The following EDIL3 variants were observed in gnomAD, a reference collection of about 807,000 sequenced individuals.
The protein encoded by EDIL3 is EGF like and discoidin domains 3.
Under a neutral mutation model 67.4 loss-of-function variants are expected in EDIL3, and 37 were observed. That is an observed-to-expected ratio of 0.55 (90% CI 0.42 to 0.72). EDIL3 has a LOEUF of 0.72. Ranked by LOEUF, EDIL3 falls within the 30% of genes least tolerant of loss-of-function variation. The pLI is 0.00. For missense variants in EDIL3, 527 were observed against 586.3 expected, an observed-to-expected ratio of 0.90 and a Z score of 1.04; for synonymous variants, 195 against 196.3, an observed-to-expected ratio of 0.99 and a Z score of 0.05.
At chr5:83,966,479 T>C (rs1439324079) in intron 9 of EDIL3, among the ~76,000 whole-genome samples, 1 of 151,976 alleles carries the variant, frequency 6.6e-6, no homozygotes, top group Admixed American at 6.6e-5. Context: ...AAACACAGTG[T>C]CAATGTGGTA....
intron 2 of EDIL3, among the ~76,000 whole-genome samples, chr5:84,242,425 G>T (rs987580784): frequency 2.0e-5 from 3 of 152,166 alleles, no homozygotes; most frequent in Non-Finnish European, 4.4e-5. Flanking sequence ...GTCCTTGAAA[G>T]AATGTGTTCC....
At chr5:84,142,825 C>CA (rs1265402515) in intron 4 of EDIL3, among the ~76,000 whole-genome samples, 4 of 147,188 alleles carry the variant, frequency 2.7e-5, no homozygotes, top group East Asian at 2.2e-4. Context: ...CGGTGCCCCC[C>CA]CCCCCAAGCT....
At chr5:84,088,162 T>C (rs1042918940) in intron 6 of EDIL3, among the ~76,000 whole-genome samples, 3 of 152,330 alleles carry the variant, frequency 2.0e-5, no homozygotes, top group Admixed American at 6.5e-5. Context: ...AGAAAACTTA[T>C]ATATTGTCCA....
chr5:84,145,394 C>T (rs746848649), intron 4 of EDIL3, among the ~76,000 whole-genome samples: 1 of 151,996 alleles, frequency 6.6e-6, no homozygotes, highest in Admixed American at 6.6e-5. Context: ...TGCATAATGG[C>T]GACCATGTAG....
At chr5:83,989,992 C>T (rs1401349012) in intron 9 of EDIL3, among the ~76,000 whole-genome samples, 1 of 152,104 alleles carries the variant, frequency 6.6e-6, no homozygotes, top group Non-Finnish European at 1.5e-5. Context: ...ATAAATTTTG[C>T]CAACACTTGA....
intron 6 of EDIL3, among the ~76,000 whole-genome samples, chr5:84,077,444 G>A (rs988525853): frequency 6.6e-6 from 1 of 152,130 alleles, no homozygotes; most frequent in Non-Finnish European, 1.5e-5. Context: ...AAGAAAAAGA[G>A]GTTTAATGGA....
rs550651036 is a variant in EDIL3, at chr5:84,119,849, A to G, written c.470-13019T>C. On this transcript the variant is annotated intron_variant, in intron 5 of 10. Coordinates refer to ENST00000296591, the MANE Select transcript of EDIL3 (RefSeq NM_005711.5). ...GTAAAGTAACAAACCATTTCCCCCC[A>G]AATTGAATAATACCTGATTTCTGTA... Among the ~76,000 whole-genome samples, 539 of 152,102 alleles carry G rather than the reference A, an allele frequency of 3.5e-3. 5 individuals are homozygous for G. Among genetic ancestry groups the G allele is most frequent in the African/African-American group, 0.012 (516 of 41,538 alleles).
At chr5:84,146,605 G>C (rs1748293499) in intron 4 of EDIL3, among the ~76,000 whole-genome samples, 1 of 152,012 alleles carries the variant, frequency 6.6e-6, no homozygotes, top group Non-Finnish European at 1.5e-5. Context: ...ATTCGTCTTA[G>C]TAATTTCCTC....
At chr5:84,316,833 A>AT (rs1580074110) in intron 1 of EDIL3, among the ~76,000 whole-genome samples, 2 of 152,202 alleles carry the variant, frequency 1.3e-5, no homozygotes, top group East Asian at 3.9e-4. Flanking sequence ...CATCACACTT[A>AT]TTCTAAAACT....
chr5:84,358,784 T>A (rs1411073738), intron 1 of EDIL3, among the ~76,000 whole-genome samples: 1 of 151,882 alleles, frequency 6.6e-6, no homozygotes, highest in Non-Finnish European at 1.5e-5. Flanking sequence ...TAATTTTTTG[T>A]ATTTTTTAGT....
chr5:84,000,618 C>T (rs1745316054), intron 9 of EDIL3, among the ~76,000 whole-genome samples: 2 of 151,204 alleles, frequency 1.3e-5, no homozygotes, highest in Admixed American at 1.3e-4. Flanking sequence ...GAAAATCACT[C>T]ACAAAATGTA....
chr5:84,361,457 A>T (rs532347951), intron 1 of EDIL3, among the ~76,000 whole-genome samples: 2 of 152,172 alleles, frequency 1.3e-5, no homozygotes, highest in African/African-American at 4.8e-5. Context: ...TTGAAGTGCA[A>T]CCCTTACTTC....
intron 6 of EDIL3, among the ~76,000 whole-genome samples, chr5:84,069,340 G>A (rs1326425717): frequency 6.6e-6 from 1 of 152,070 alleles, no homozygotes; most frequent in Non-Finnish European, 1.5e-5. Flanking sequence ...GTATGCAGAA[G>A]GGAGGAATGG....
At chr5:84,183,904 C>T (rs977454001) in intron 3 of EDIL3, among the ~76,000 whole-genome samples, 1 of 152,042 alleles carries the variant, frequency 6.6e-6, no homozygotes, top group African/African-American at 2.4e-5. Context: ...TCAAGGAGTT[C>T]AAGACAAGCC....
chr5:83,998,927 T>C (rs944838186), intron 9 of EDIL3, among the ~76,000 whole-genome samples: 2 of 152,068 alleles, frequency 1.3e-5, no homozygotes, highest in African/African-American at 4.8e-5. Context: ...TCTGGGCAGC[T>C]CAGCACAGAC....
At chr5:84,254,399 G>A (rs1745090451) in intron 1 of EDIL3, among the ~76,000 whole-genome samples, 187 bp from the exon 2 acceptor site, 1 of 152,066 alleles carries the variant, frequency 6.6e-6, no homozygotes, top group Non-Finnish European at 1.5e-5. Context: ...ATGTAACATG[G>A]CAAAAATTAA....
intron 2 of EDIL3, among the ~76,000 whole-genome samples, chr5:84,253,249 G>C (rs530045479): frequency 6.6e-6 from 1 of 152,104 alleles, no homozygotes; most frequent in East Asian, 1.9e-4. Flanking sequence ...GTTTATGCAG[G>C]TTGACAAAAC....
At chr5:84,142,219 C>T (rs1387532701) in intron 4 of EDIL3, among the ~76,000 whole-genome samples, 2 of 151,832 alleles carry the variant, frequency 1.3e-5, no homozygotes, top group African/African-American at 4.8e-5. Context: ...GCCTTCAAAA[C>T]AATGCATTGT....
chr5:84,292,742 G>C (rs554745137), intron 1 of EDIL3, among the ~76,000 whole-genome samples: 1 of 152,034 alleles, frequency 6.6e-6, no homozygotes, highest in Non-Finnish European at 1.5e-5. Flanking sequence ...TATTGAATAA[G>C]CCCAGAGTTA....
Sources: allele counts gnomAD v4.1 joint callset (sites outside exome capture counted in the v4.1 genomes callset), GRCh38; gene constraint gnomAD v4.1.1; transcripts MANE v1.5; gene names NCBI Gene and HGNC (gene_info 2026-07-23, HGNC 2026-07-21).